Variants in ZNF487 observed in about 807,000 individuals in gnomAD.
The protein encoded by ZNF487 is zinc finger protein 487.
A neutral mutation model predicts 3.0 loss-of-function variants in ZNF487; 4 were observed. The ratio of observed to expected loss-of-function variants is 1.35; its 90% CI spans 0.66 to 3.08. The LOEUF is 3.08. ZNF487 is among the 30% of genes most tolerant of loss of function. ZNF487 has a pLI of 0.01. For synonymous variants in ZNF487, 55 were observed against 34.6 expected, an observed-to-expected ratio of 1.59 and a Z score of -2.06; for missense variants, 146 against 98.7, an observed-to-expected ratio of 1.48 and a Z score of -2.03.
At chr10:43,450,200 C>T (rs1839957986) in intron 1 of ZNF487, among the ~76,000 whole-genome samples, 1 of 152,164 alleles carries the variant, frequency 6.6e-6, no homozygotes, top group Admixed American at 6.5e-5. Context: ...TGTGCCACCA[C>T]ACCCGGCTAG....
At chr10:43,497,993 TA>T in the ZNF487 span, among the ~76,000 whole-genome samples, 16 of 143,580 alleles carry the variant, frequency 1.1e-4, 1 homozygote, top group South Asian at 1.1e-3. Flanking sequence ...GATATATATA[TA>T]TATATATGTA....
chr10:43,507,605 G>T, the ZNF487 span, among the ~76,000 whole-genome samples: 2 of 152,332 alleles, frequency 1.3e-5, no homozygotes, highest in Non-Finnish European at 2.9e-5. Context: ...CTTTCCCCAT[G>T]CAAAACCCCT....
chr10:43,498,670 C>A, the ZNF487 span, among the ~76,000 whole-genome samples: 1 of 151,556 alleles, frequency 6.6e-6, no homozygotes, highest in African/African-American at 2.4e-5. Context: ...AGGCTGGGCG[C>A]AGTGGCTCAC....
chr10:43,451,678 G>T (rs1277714527), intron 1 of ZNF487, among the ~76,000 whole-genome samples: 1 of 151,508 alleles, frequency 6.6e-6, no homozygotes, highest in African/African-American at 2.4e-5. Context: ...CAGTTCTCCT[G>T]CCTCAGCCTC....
the ZNF487 span, chr10:43,523,571 C>T: frequency 0.68 from 103,659 of 152,122 alleles, 35,694 homozygotes; most frequent in East Asian, 1. Context: ...TTGAGTGTGA[C>T]AGAAATGAGA....
the ZNF487 span, chr10:43,523,421 T>G: frequency 6.6e-6 from 1 of 152,228 alleles, no homozygotes; most frequent in African/African-American, 2.4e-5. Flanking sequence ...ATATGACTTA[T>G]GTATAATGAA....
chr10:43,469,508 ATTTT>A (rs2132119157), intron 1 of ZNF487, among the ~76,000 whole-genome samples: 1 of 151,872 alleles, frequency 6.6e-6, no homozygotes, highest in African/African-American at 2.4e-5. Context: ...TTATTTATTT[ATTTT>A]TTTAAATAAA....
At chr10:43,487,503 G>A (rs1841480748), downstream of ZNF487, among the ~76,000 whole-genome samples, 1 of 149,628 alleles carries the variant, frequency 6.7e-6, no homozygotes, top group African/African-American at 2.5e-5. Flanking sequence ...AGGCTGGAGT[G>A]CAATGGCGCA....
At chr10:43,464,635 T>A (rs1840589487) in intron 1 of ZNF487, among the ~76,000 whole-genome samples, 1 of 152,174 alleles carries the variant, frequency 6.6e-6, no homozygotes, top group Non-Finnish European at 1.5e-5. Context: ...CCGCCCTTAA[T>A]CCATTTAACC....
the ZNF487 span, among the ~76,000 whole-genome samples, chr10:43,501,788 C>CTT: frequency 8.6e-4 from 128 of 148,210 alleles, no homozygotes; most frequent in Non-Finnish European, 1.0e-3. Context: ...TTTAACTTTC[C>CTT]TTTTTTTTTT....
intron 1 of ZNF487, among the ~76,000 whole-genome samples, chr10:43,455,875 C>T (rs1840180996): frequency 2.0e-5 from 3 of 152,238 alleles, no homozygotes; most frequent in South Asian, 4.1e-4. Flanking sequence ...TACGGGGACG[C>T]TTCGCGCTCC....
At chr10:43,498,095 ATATATTTTTTTTTTTTTTC>A in the ZNF487 span, among the ~76,000 whole-genome samples, 29 of 12,608 alleles carry the variant, frequency 2.3e-3, 2 homozygotes, top group African/African-American at 4.4e-3. Flanking sequence ...ATATATATAT[ATATATTTTTTTTTTTTTTC>A]TTTTTTTTTT....
intron 1 of ZNF487, among the ~76,000 whole-genome samples, chr10:43,471,719 A>G (rs1840915862): frequency 1.3e-5 from 2 of 152,044 alleles, no homozygotes; most frequent in African/African-American, 4.8e-5. Context: ...CTGAAGTCAA[A>G]TTGTCTCTCT....
At chr10:43,516,622 G>C in the ZNF487 span, among the ~76,000 whole-genome samples, 1 of 152,160 alleles carries the variant, frequency 6.6e-6, no homozygotes, top group African/African-American at 2.4e-5. Context: ...ATGTTTGAGG[G>C]CAGGAAGCAT....
the ZNF487 span, among the ~76,000 whole-genome samples, chr10:43,523,069 C>T: frequency 6.6e-6 from 1 of 152,138 alleles, no homozygotes; most frequent in Non-Finnish European, 1.5e-5. Context: ...GATTCCTCTC[C>T]TTTTTTCATA....
At chr10:43,517,368 GT>G in the ZNF487 span, among the ~76,000 whole-genome samples, 23 of 152,330 alleles carry the variant, frequency 1.5e-4, no homozygotes, top group African/African-American at 5.1e-4. Flanking sequence ...CACTGATGCT[GT>G]TACTTGCAAG....
At chr10:43,505,226 G>C in the ZNF487 span, among the ~76,000 whole-genome samples, 5 of 151,996 alleles carry the variant, frequency 3.3e-5, no homozygotes, top group Admixed American at 6.6e-5. Context: ...GATATTTATA[G>C]TATACAAAAA....
chr10:43,495,135 T>G, the ZNF487 span, among the ~76,000 whole-genome samples: 2 of 151,844 alleles, frequency 1.3e-5, no homozygotes, highest in Non-Finnish European at 2.9e-5. Context: ...TATAGCTCTA[T>G]CCTTTCACCA....
downstream of ZNF487, among the ~76,000 whole-genome samples, chr10:43,485,081 T>C (rs780765774): frequency 2.6e-5 from 4 of 152,216 alleles, no homozygotes; most frequent in Non-Finnish European, 5.9e-5. Context: ...CGGGCCAGAT[T>C]TCTCCTAACT....
Sources: gnomAD v4.1 joint callset for allele counts (sites outside exome capture counted in the v4.1 genomes callset) on GRCh38, gnomAD v4.1.1 for gene constraint, MANE v1.5 for transcripts, NCBI Gene and HGNC (gene_info 2026-07-23, HGNC 2026-07-21) for gene names.